Variants in UNC5A observed in about 807,000 individuals in gnomAD.
UNC5A encodes the protein netrin receptor UNC5A.
Under a neutral mutation model 87.4 loss-of-function variants are expected in UNC5A, and 20 were observed. The ratio of observed to expected loss-of-function variants is 0.23; its 90% CI spans 0.16 to 0.33. The LOEUF is 0.33. Among genes scored for constraint, UNC5A ranks in the 10% least tolerant of loss-of-function variants. UNC5A has a pLI of 1.00. For synonymous variants in UNC5A, 438 were observed against 482.3 expected, an observed-to-expected ratio of 0.91 and a Z score of 1.20; for missense variants, 844 against 1,133.4, an observed-to-expected ratio of 0.74 and a Z score of 3.67.
At chr5:176,829,943 C>G (rs184905331) in intron 1 of UNC5A, among the ~76,000 whole-genome samples, 16 of 130,784 alleles carry the variant, frequency 1.2e-4, no homozygotes, top group African/African-American at 4.0e-4. Flanking sequence ...GGCGTGATCT[C>G]GGCTCACTGC....
At chr5:176,861,820 C>CA (rs1001131306) in intron 1 of UNC5A, among the ~76,000 whole-genome samples, 46 of 67,740 alleles carry the variant, frequency 6.8e-4, no homozygotes, top group African/African-American at 3.2e-3. Context: ...ACTGCAGCCC[C>CA]AGGGAGGCTG....
In UNC5A at chr5:176,831,883, CTCTTTTTTTTTTTTT is replaced by C. The variant is rs1197660555; in HGVS notation, c.70+21065_70+21079del. ...TTTCACTTTCACACACTTTCTCTCT[CTCTTTTTTTTTTTTT>C]TTTTTTTTTTTTTTTTGAGACAGAG... On this transcript the variant is annotated intron_variant, in intron 1 of 14. Transcript: ENST00000329542. 1.6e-4 allele frequency among the ~76,000 whole-genome samples: 18 copies of C among 115,312 alleles called. 1 individual carries two copies. The highest frequency in any genetic ancestry group is 1.3e-3 in the South Asian group (5 of 3,926). 75.6% of individuals were successfully genotyped at this position (115,312 alleles called of 152,430 possible). A position where few individuals can be genotyped will look rare whatever the true frequency, so the allele number is the denominator to read the frequency against.
chr5:176,849,982 G>A (rs1310758178), intron 1 of UNC5A, among the ~76,000 whole-genome samples: 1 of 152,246 alleles, frequency 6.6e-6, no homozygotes, highest in Non-Finnish European at 1.5e-5. Flanking sequence ...GAGAAGAGTT[G>A]GCTCCCACCT....
At chr5:176,818,906 G>A (rs969125494) in intron 1 of UNC5A, among the ~76,000 whole-genome samples, 2 of 152,208 alleles carry the variant, frequency 1.3e-5, no homozygotes, top group Non-Finnish European at 2.9e-5. Flanking sequence ...TCCTCTTGTG[G>A]TGTTGGCTTT....
rs898480535 is a variant in UNC5A, at chr5:176,879,897, G to A, written c.*11G>A. On this transcript the variant is annotated 3_prime_UTR_variant, in exon 15 of 15. Transcript: ENST00000329542. ...GAGGCTGAGTGCTGAGGCCGGCCAG[G>A]CCCGACACCTACACTCTCACCAGCT... 6 of 1,535,070 alleles carry A rather than the reference G, an allele frequency of 3.9e-6. No individual in the cohort carries two copies. The highest frequency in any genetic ancestry group is 5.3e-6 in the Non-Finnish European group (6 of 1,137,206).
intron 1 of UNC5A, among the ~76,000 whole-genome samples, chr5:176,835,733 G>A (rs1757135958): frequency 6.8e-6 from 1 of 147,358 alleles, no homozygotes; most frequent in African/African-American, 2.7e-5. Context: ...TAAAGGATGT[G>A]TGTGTGTGTG....
chr5:176,846,528 TCCTCCAGGAAGC>T (rs895571302), intron 1 of UNC5A, among the ~76,000 whole-genome samples: 2 of 151,968 alleles, frequency 1.3e-5, no homozygotes, highest in African/African-American at 4.8e-5. Context: ...TGGTGACATC[TCCTCCAGGAAGC>T]CCTCCTGGAT....
In UNC5A at chr5:176,869,048, G is replaced by A; in HGVS notation, c.721+84G>A. ...CATGTGGCTGGTGGGGTGAAGAGAG[G>A]CCATGAGGCCAAAGCCAGGTGGACC... On this transcript the variant is annotated intron_variant, in intron 5 of 14. Coordinates refer to ENST00000329542, the MANE Select transcript of UNC5A (RefSeq NM_133369.3). This position sits in a 1 kb window ranked among gnomAD's most constrained non-coding sequence, Gnocchi z 9.1. The A allele has an allele frequency of 1.4e-6, 2 of 1,437,262 alleles. No individual in the cohort carries two copies. The highest frequency in any genetic ancestry group is 1.9e-6 in the Non-Finnish European group (2 of 1,076,030). The allele number at this position is 1,437,262 out of a possible 1,614,324, so 89.0% of individuals were successfully genotyped here.
At chr5:176,877,362 T>A in intron 9 of UNC5A, 83 bp downstream of exon 9, 1 of 1,410,042 alleles carries the variant, frequency 7.1e-7, no homozygotes, top group Non-Finnish European at 9.7e-7. Flanking sequence ...GCCCACCCAC[T>A]GTTGTGCCTG....
chr5:176,864,782 A>G (rs566965779), intron 2 of UNC5A: 4 of 455,158 alleles, frequency 8.8e-6, no homozygotes, highest in South Asian at 6.2e-5. Flanking sequence ...TTATGCTCTC[A>G]GGGCAGTGAT....
chr5:176,830,956 C>T (rs1422689299), intron 1 of UNC5A, among the ~76,000 whole-genome samples: 3 of 112,526 alleles, frequency 2.7e-5, no homozygotes, highest in Admixed American at 8.7e-5. Context: ...GTGTATGTGC[C>T]GGCGTGTGTG....
chr5:176,867,114 G>A (rs1423449934), intron 2 of UNC5A, among the ~76,000 whole-genome samples: 4 of 152,214 alleles, frequency 2.6e-5, no homozygotes, highest in African/African-American at 9.6e-5. Flanking sequence ...GTTAACAATG[G>A]AAACACATTG....
chr5:176,872,787 C>A (rs1378435285), intron 6 of UNC5A, among the ~76,000 whole-genome samples: 1 of 116,182 alleles, frequency 8.6e-6, no homozygotes. Context: ...CCCACACCTG[C>A]CCCAACACCA....
At chr5:176,823,417 C>T (rs1476382472) in intron 1 of UNC5A, among the ~76,000 whole-genome samples, 2 of 152,028 alleles carry the variant, frequency 1.3e-5, no homozygotes, top group Non-Finnish European at 2.9e-5. Flanking sequence ...ACAGCGTTTC[C>T]GGGTCAGGCA....
chr5:176,879,271 G>A (rs1262599297), intron 13 of UNC5A, 39 bp from the exon 14 acceptor site: 3 of 1,534,558 alleles, frequency 2.0e-6, no homozygotes, highest in Non-Finnish European at 2.6e-6. Context: ...CGGGCCTGGG[G>A]AAAGTTCTAA....
chr5:176,836,718 C>T (rs1188489617), intron 1 of UNC5A, among the ~76,000 whole-genome samples: 1 of 152,104 alleles, frequency 6.6e-6, no homozygotes, highest in African/African-American at 2.4e-5. Flanking sequence ...CAGAGCGAAC[C>T]GCTCCCCCAG....
At chr5:176,828,745 C>T (rs1370813367) in intron 1 of UNC5A, among the ~76,000 whole-genome samples, 2 of 152,130 alleles carry the variant, frequency 1.3e-5, no homozygotes, top group African/African-American at 2.4e-5. Flanking sequence ...GGGACTATGG[C>T]CTGCTCATGC....
In UNC5A at chr5:176,849,746, C is replaced by T. The variant is rs550053314; in HGVS notation, c.71-12878C>T. Among the ~76,000 whole-genome samples the T allele has an allele frequency of 2.0e-5, 3 of 152,268 alleles. 1 individual carries two copies. The highest frequency in any genetic ancestry group is 6.8e-3 in the Middle Eastern group (2 of 294). ...GAGGGAAGTGGCTTGCCCAAGGCCA[C>T]GTGGCCAGGTGGAGGCAGAGTGGGG... On this transcript the variant is annotated intron_variant, in intron 1 of 14. Transcript: ENST00000329542.
Position 176,877,384 on chromosome 5 carries a change from C to T in UNC5A, c.1466+105C>T, listed in dbSNP as rs546781214. 7.6e-5 allele frequency: 103 copies of T among 1,356,282 alleles called. 1 individual carries two copies. The East Asian group carries it at 1.3e-3, about 17-fold the overall frequency. 84.0% of individuals were successfully genotyped at this position (1,356,282 alleles called of 1,614,324 possible). A position where few individuals can be genotyped will look rare whatever the true frequency, so the allele number is the denominator to read the frequency against. ...CACTGTTGTGCCTGGCCCGAGGCGGCGGGGGAAAGAGCTATGCCTAAGCCC... is the reference window on the plus strand; with the variant it reads ...CACTGTTGTGCCTGGCCCGAGGCGGTGGGGGAAAGAGCTATGCCTAAGCCC... On this transcript the variant is annotated intron_variant, in intron 9 of 14. Transcript: ENST00000329542.
Sources: allele counts gnomAD v4.1 joint callset (sites outside exome capture counted in the v4.1 genomes callset), GRCh38; gene constraint gnomAD v4.1.1; non-coding constraint Gnocchi (gnomAD v3.1); transcripts MANE v1.5; gene names NCBI Gene and HGNC (gene_info 2026-07-23, HGNC 2026-07-21).